Variants in DNAJC15 observed in about 807,000 individuals in gnomAD.
DNAJC15 encodes dnaJ homolog subfamily C member 15.
In DNAJC15, 27 loss-of-function variants were observed where a neutral mutation model predicts 22.4. That is an observed-to-expected ratio of 1.20 (90% CI 0.89 to 1.66). The LOEUF is 1.66. DNAJC15 is among the 40% of genes most tolerant of loss of function. DNAJC15 has a pLI of 0.00. For missense variants in DNAJC15, 208 were observed against 187.1 expected (o/e 1.11, Z -0.65); for synonymous variants, 79 against 63.2 (o/e 1.25, Z -1.19).
rs780071020 is a variant in DNAJC15 at position 43,068,961 on chromosome 13, A to G, written c.192A>G (p.Leu64=). 6 of 1,613,122 alleles carry G rather than the reference A, an allele frequency of 3.7e-6. No individual in the cohort carries two copies. Among genetic ancestry groups the G allele is most frequent in the Non-Finnish European group, 5.1e-6 (6 of 1,179,576 alleles). ...ACGCATTTCGGATCTGGAAACCTCT[A>G]GAACAAGTTATCACAGAAACTGCAA... ...GRYAFRIWKP[L]EQVITETAKK... is the part of the protein sequence containing the mutation. The change falls in exon 3 of 6, where the codon CTA becomes CTG. Residue 64 remains leucine (L), a synonymous_variant. Coordinates refer to ENST00000379221, the MANE Select transcript of DNAJC15 (RefSeq NM_013238.3).
intron 1 of DNAJC15, among the ~76,000 whole-genome samples, chr13:43,054,480 A>G (rs568216802): frequency 5.9e-5 from 9 of 152,246 alleles, no homozygotes; most frequent in Non-Finnish European, 1.3e-4. Flanking sequence ...TAGGATTGGT[A>G]CTAGTTCTGT....
At chr13:43,037,807 C>T (rs1179763186) in intron 1 of DNAJC15, among the ~76,000 whole-genome samples, 1 of 152,160 alleles carries the variant, frequency 6.6e-6, no homozygotes, top group Non-Finnish European at 1.5e-5. Context: ...GATGAAGGAA[C>T]ACATGGAGGT....
At chr13:43,024,889 C>A (rs1471659274) in intron 1 of DNAJC15, among the ~76,000 whole-genome samples, 1 of 20,818 alleles carries the variant, frequency 4.8e-5, no homozygotes, top group African/African-American at 2.1e-4. Flanking sequence ...GACCCCATCT[C>A]TGCTAAAAAA....
chr13:43,100,606 A>G (rs1410900877), intron 5 of DNAJC15, among the ~76,000 whole-genome samples: 5 of 152,102 alleles, frequency 3.3e-5, no homozygotes. Context: ...ATTCATGTTT[A>G]ATACATTCTA....
intron 4 of DNAJC15, among the ~76,000 whole-genome samples, chr13:43,080,101 G>C (rs978991061): frequency 6.6e-6 from 1 of 151,970 alleles, no homozygotes; most frequent in African/African-American, 2.4e-5. Context: ...TAGGTTCAGG[G>C]TTACACGTGC....
chr13:43,066,000 G>C (rs2040581776), intron 2 of DNAJC15, among the ~76,000 whole-genome samples: 1 of 152,038 alleles, frequency 6.6e-6, no homozygotes, highest in African/African-American at 2.4e-5. Flanking sequence ...TTTTCAGTTT[G>C]AAGTATAGTA....
chr13:43,040,740 C>T (rs948487588), intron 1 of DNAJC15, among the ~76,000 whole-genome samples: 4 of 151,868 alleles, frequency 2.6e-5, no homozygotes, highest in African/African-American at 7.3e-5. Context: ...GGGTGTTTCT[C>T]GGAGAGGGGG....
chr13:43,026,377 G>T (rs980820843), intron 1 of DNAJC15, among the ~76,000 whole-genome samples: 11 of 152,106 alleles, frequency 7.2e-5, no homozygotes, highest in Non-Finnish European at 1.5e-4. Flanking sequence ...GGACTTCTAC[G>T]ATCAATGGTC....
At chr13:43,067,146 T>C (rs1555275708) in intron 2 of DNAJC15, among the ~76,000 whole-genome samples, 1 of 152,244 alleles carries the variant, frequency 6.6e-6, no homozygotes, top group Non-Finnish European at 1.5e-5. Context: ...TTTGGCTATA[T>C]AGAGTTTAGT....
intron 1 of DNAJC15, among the ~76,000 whole-genome samples, chr13:43,042,476 G>C (rs1196633367): frequency 6.6e-6 from 1 of 152,210 alleles, no homozygotes; most frequent in African/African-American, 2.4e-5. Flanking sequence ...TTACATGAAG[G>C]GTGGTGAAAC....
intron 1 of DNAJC15, among the ~76,000 whole-genome samples, chr13:43,049,350 A>G (rs1188379559): frequency 6.6e-6 from 1 of 152,254 alleles, no homozygotes; most frequent in African/African-American, 2.4e-5. Flanking sequence ...GTCGAAATAC[A>G]TCTTCATGTT....
At chr13:43,052,578 G>A (rs979698064) in intron 1 of DNAJC15, among the ~76,000 whole-genome samples, 2 of 151,560 alleles carry the variant, frequency 1.3e-5, no homozygotes, top group Non-Finnish European at 2.9e-5. Flanking sequence ...CACTACACCT[G>A]GCTAATTTTT....
chr13:43,080,045 A>G (rs1400059808), intron 4 of DNAJC15, among the ~76,000 whole-genome samples: 1 of 152,144 alleles, frequency 6.6e-6, no homozygotes, highest in Non-Finnish European at 1.5e-5. Flanking sequence ...ATTATATAAT[A>G]TATGTGAATT....
intron 4 of DNAJC15, among the ~76,000 whole-genome samples, chr13:43,081,073 T>C (rs1403692523): frequency 6.6e-6 from 1 of 152,238 alleles, no homozygotes; most frequent in South Asian, 2.1e-4. Flanking sequence ...CATTCTGACA[T>C]ATTGCATATG....
chr13:43,074,957 A>G lies in DNAJC15; in HGVS notation c.235-3655A>G, dbSNP rs138745020. On this transcript the variant is annotated intron_variant, in intron 3 of 5. Transcript: ENST00000379221. ...GCAAAACTCACCTATGCTGAGGCCAACTTTTTGTATCTGTGGTTTCTGTAG... is the reference window on the plus strand; with the variant it reads ...GCAAAACTCACCTATGCTGAGGCCAGCTTTTTGTATCTGTGGTTTCTGTAG... Among the ~76,000 whole-genome samples the G allele has an allele frequency of 3.9e-5, 6 of 152,292 alleles. No individual in the cohort carries two copies. In the East Asian group the frequency reaches 1.2e-3, roughly 29 times the overall value.
At chr13:43,071,749 TC>T (rs1160288986) in intron 3 of DNAJC15, among the ~76,000 whole-genome samples, 1 of 152,182 alleles carries the variant, frequency 6.6e-6, no homozygotes, top group Non-Finnish European at 1.5e-5. Context: ...TGTCCAAGGC[TC>T]AAGTTTCAAC....
At chr13:43,088,021 G>A (rs539137855) in intron 5 of DNAJC15, among the ~76,000 whole-genome samples, 10 of 152,266 alleles carry the variant, frequency 6.6e-5, no homozygotes, top group African/African-American at 1.9e-4. Flanking sequence ...AAAGAGGTTG[G>A]TGGTTATGAA....
intron 2 of DNAJC15, among the ~76,000 whole-genome samples, chr13:43,068,424 T>C (rs2040593174): frequency 6.6e-6 from 1 of 152,136 alleles, no homozygotes. Flanking sequence ...AAGTATTTCA[T>C]ATGTAATTGC....
chr13:43,059,862 GA>G (rs1206959616), intron 1 of DNAJC15, among the ~76,000 whole-genome samples: 1 of 152,212 alleles, frequency 6.6e-6, no homozygotes, highest in Non-Finnish European at 1.5e-5. Flanking sequence ...GCATGGGGTG[GA>G]TCTCACAAAG....
Sources: gnomAD v4.1 joint callset for allele counts (sites outside exome capture counted in the v4.1 genomes callset) on GRCh38, gnomAD v4.1.1 for gene constraint, MANE v1.5 for transcripts, NCBI Gene and HGNC (gene_info 2026-07-23, HGNC 2026-07-21) for gene names.